Variants in WDR7 observed in about 807,000 individuals in gnomAD.
WDR7 encodes WD repeat domain 7, also known as WD repeat-containing protein 7.
In WDR7, 46 loss-of-function variants were observed where a neutral mutation model predicts 169.4. The observed-to-expected ratio is 0.27, with a 90% CI of 0.21 to 0.35. The LOEUF (loss-of-function observed/expected upper bound fraction) is 0.35, where lower values mean the gene tolerates loss of function less well. Ranked by LOEUF, WDR7 falls within the 10% of genes least tolerant of loss-of-function variation. WDR7 has a pLI of 1.00. For synonymous variants in WDR7, 612 were observed against 666.8 expected (o/e 0.92, Z 1.27); for missense variants, 1,534 against 1,859.3 (o/e 0.83, Z 3.22).
intron 21 of WDR7, among the ~76,000 whole-genome samples, chr18:56,917,844 C>T (rs1324555436): frequency 1.3e-5 from 2 of 151,876 alleles, no homozygotes; most frequent in Non-Finnish European, 2.9e-5. Flanking sequence ...TTCATATCAC[C>T]TCATAGCACC....
chr18:56,929,917 C>T (rs2145668030), intron 22 of WDR7, among the ~76,000 whole-genome samples: 1 of 152,320 alleles, frequency 6.6e-6, no homozygotes, highest in East Asian at 1.9e-4. Context: ...TCCCACTATA[C>T]TAAGGAGCAG....
intron 12 of WDR7, among the ~76,000 whole-genome samples, chr18:56,702,321 C>A (rs1333341000): frequency 6.6e-6 from 1 of 152,132 alleles, no homozygotes; most frequent in Middle Eastern, 3.2e-3. Flanking sequence ...AAGATCCAGG[C>A]ACTTTTTCTT....
chr18:56,945,416 G>A (rs555311483), intron 25 of WDR7, among the ~76,000 whole-genome samples: 31 of 152,160 alleles, frequency 2.0e-4, no homozygotes, highest in Non-Finnish European at 3.1e-4. Context: ...TAGGACTGAG[G>A]TCAGCATGAA....
intron 25 of WDR7, among the ~76,000 whole-genome samples, chr18:56,945,001 A>G (rs1461408231): frequency 1.3e-5 from 2 of 150,954 alleles, no homozygotes; most frequent in Non-Finnish European, 2.9e-5. Context: ...ATCATTGATT[A>G]TTTTTTATAT....
chr18:56,717,885 T>C (rs2026227450), intron 12 of WDR7, 79 bp from the exon 13 acceptor site: 9 of 1,368,624 alleles, frequency 6.6e-6, no homozygotes, highest in Non-Finnish European at 8.8e-6. Flanking sequence ...TAATTAATTT[T>C]GCCTTAAGTT....
At chr18:56,887,895 CTGCTGGAAGCTG>C (rs1568249699) in intron 21 of WDR7, among the ~76,000 whole-genome samples, 1 of 152,080 alleles carries the variant, frequency 6.6e-6, no homozygotes, top group Non-Finnish European at 1.5e-5. Context: ...TAATGTTAAC[CTGCTGGAAGCTG>C]TTACATGTAT....
intron 21 of WDR7, among the ~76,000 whole-genome samples, chr18:56,884,967 C>A (rs1370965567): frequency 2.0e-5 from 3 of 152,198 alleles, no homozygotes; most frequent in Non-Finnish European, 4.4e-5. Context: ...CATCACAGGT[C>A]TCTGTGCAGA....
chr18:57,015,580 G>A (rs2048194986), intron 26 of WDR7, among the ~76,000 whole-genome samples: 1 of 152,180 alleles, frequency 6.6e-6, no homozygotes, highest in Admixed American at 6.5e-5. Context: ...GCCTTGAGCA[G>A]TTACCTCCCT....
chr18:56,831,984 C>A (rs1261741898), intron 20 of WDR7, among the ~76,000 whole-genome samples: 1 of 152,116 alleles, frequency 6.6e-6, no homozygotes, highest in Non-Finnish European at 1.5e-5. Flanking sequence ...AACATCAGCA[C>A]ATCAGAACCG....
intron 21 of WDR7, among the ~76,000 whole-genome samples, chr18:56,909,256 G>A (rs978055390): frequency 1.3e-5 from 2 of 152,012 alleles, no homozygotes; most frequent in Non-Finnish European, 2.9e-5. Flanking sequence ...AAGAAGGGTA[G>A]CATTTGGCTT....
Position 56,881,320 on chromosome 18 carries a change from A to G in WDR7, c.3526+1155A>G, listed in dbSNP as rs62100605. Among the ~76,000 whole-genome samples the G allele has an allele frequency of 2.7e-3, 408 of 152,288 alleles. 1 individual carries two copies. Among genetic ancestry groups the G allele is most frequent in the Admixed American group, 4.8e-3 (74 of 15,296 alleles). ...CAACCATAATGATGCAACTATTATG[A>G]GCACTATTTTTTTTTAGCTCTTTAC... On this transcript the variant is annotated intron_variant, in intron 21 of 27. Transcript: ENST00000254442.
chr18:56,718,183 C>T, intron 13 of WDR7, 24 bp downstream of exon 13: 1 of 1,466,580 alleles, frequency 6.8e-7, no homozygotes, highest in Non-Finnish European at 9.1e-7. Flanking sequence ...TGAAGAGATA[C>T]TATAGAAAAT....
intron 19 of WDR7, 75 bp from the exon 20 acceptor site, chr18:56,815,956 A>T (rs2044960497): frequency 1.5e-5 from 19 of 1,265,016 alleles, no homozygotes; most frequent in Non-Finnish European, 1.9e-5. Context: ...TAAGTAAATT[A>T]AAAATCTTCA....
rs1482735758 is a variant in WDR7, at chr18:57,006,470, C to G, written c.4165-14275C>G. On this transcript the variant is annotated intron_variant, in intron 26 of 27. Coordinates refer to ENST00000254442, the MANE Select transcript of WDR7 (RefSeq NM_015285.3). ...ATTAAGTACTAAAGAGTTTGATGGT[C>G]CAAATATTGAATTTTGTAATGAATT... Among the ~76,000 whole-genome samples, 4 of 152,088 alleles carry G rather than the reference C, an allele frequency of 2.6e-5. No homozygotes were observed. The South Asian group carries it at 6.2e-4, about 24-fold the overall frequency.
At chr18:56,727,282 A>T (rs937842220) in intron 13 of WDR7, among the ~76,000 whole-genome samples, 1 of 151,468 alleles carries the variant, frequency 6.6e-6, no homozygotes, top group African/African-American at 2.4e-5. Context: ...AAATCTTTAA[A>T]TATTCAGGCA....
At position 56,863,402 on chromosome 18, in the gene WDR7, G is replaced by A. The variant is rs527944223; in HGVS notation, c.3305-16542G>A. ...AAATTCTTGTTACAGAATTTGAGAG[G>A]GATAAAAGCACTTTGCCAGCACTGT... On this transcript the variant is annotated intron_variant, in intron 20 of 27. Transcript: ENST00000254442. Among the ~76,000 whole-genome samples, 30 of 151,648 alleles carry A rather than the reference G, an allele frequency of 2.0e-4. No individual in the cohort carries two copies. In the South Asian group the frequency reaches 5.4e-3, roughly 27 times the overall value.
chr18:56,779,389 C>T, intron 17 of WDR7, 42 bp from the exon 18 acceptor site: 1 of 1,511,588 alleles, frequency 6.6e-7, no homozygotes, highest in Admixed American at 2.0e-5. Context: ...TAGGGAATGC[C>T]AAAATGGTTA....
At chr18:56,732,635 G>A (rs1483614036) in intron 14 of WDR7, among the ~76,000 whole-genome samples, 1 of 152,108 alleles carries the variant, frequency 6.6e-6, no homozygotes, top group Non-Finnish European at 1.5e-5. Context: ...AGATATAAAT[G>A]TTTTATCAGC....
intron 12 of WDR7, among the ~76,000 whole-genome samples, chr18:56,700,957 A>G (rs1356215795): frequency 6.6e-6 from 1 of 152,194 alleles, no homozygotes; most frequent in Non-Finnish European, 1.5e-5. Context: ...TTTACCTGAT[A>G]CGGATTATTT....
Sources: gnomAD v4.1 joint callset for allele counts (sites outside exome capture counted in the v4.1 genomes callset) on GRCh38, gnomAD v4.1.1 for gene constraint, MANE v1.5 for transcripts, NCBI Gene and HGNC (gene_info 2026-07-23, HGNC 2026-07-21) for gene names.